RHAG: variants seen among roughly 807,000 people sequenced by gnomAD.
RHAG encodes Rh associated glycoprotein, also known as ammonium transporter Rh type A.
In RHAG, 25 loss-of-function variants were observed where a neutral mutation model predicts 42.4. That is an observed-to-expected ratio of 0.59 (90% CI 0.43 to 0.82). The LOEUF (loss-of-function observed/expected upper bound fraction) is 0.82. Ranked by LOEUF, RHAG falls within the 40% of genes least tolerant of loss-of-function variation. RHAG has a pLI of 0.00. For missense variants in RHAG, 483 were observed against 504.6 expected, an observed-to-expected ratio of 0.96 and a Z score of 0.41; for synonymous variants, 182 against 177.7, an observed-to-expected ratio of 1.02 and a Z score of -0.19.
At chr6:49,618,848 G>A (rs1485554730) in intron 2 of RHAG, among the ~76,000 whole-genome samples, 1 of 152,132 alleles carries the variant, frequency 6.6e-6, no homozygotes, top group African/African-American at 2.4e-5. Context: ...CATAAACTGG[G>A]TTGTTTATAA....
chr6:49,622,914 C>T (rs1762787791), intron 1 of RHAG, among the ~76,000 whole-genome samples: 4 of 150,356 alleles, frequency 2.7e-5, no homozygotes, highest in African/African-American at 2.5e-5. Flanking sequence ...CGGCTCACTG[C>T]AAGCTCCGCC....
At chr6:49,626,253 T>A (rs551003664) in intron 1 of RHAG, among the ~76,000 whole-genome samples, 6 of 152,130 alleles carry the variant, frequency 3.9e-5, no homozygotes, top group Non-Finnish European at 7.4e-5. Context: ...CACCTGTGAG[T>A]CTGTAAAATG....
At chr6:49,615,829 A>C in intron 3 of RHAG, 58 bp from the exon 4 acceptor site, 1 of 1,539,848 alleles carries the variant, frequency 6.5e-7, no homozygotes, top group Admixed American at 1.7e-5. Context: ...CATTTATGGG[A>C]GGAAAGTCAA....
intron 2 of RHAG, 125 bp downstream of exon 2, chr6:49,619,054 T>G: frequency 9.8e-7 from 1 of 1,022,612 alleles, no homozygotes; most frequent in East Asian, 2.6e-5. Context: ...TCATAAACAC[T>G]CTGCCTTCAT....
chr6:49,605,433 G>T lies in RHAG; in HGVS notation c.*380C>A. The T allele has an allele frequency of 7.6e-6, 2 of 263,248 alleles. No individual in the cohort carries two copies. Among genetic ancestry groups the T allele is most frequent in the Non-Finnish European group, 1.5e-5 (2 of 135,026 alleles). The allele number at this position is 263,248 out of a possible 1,614,324, so 16.3% of individuals were successfully genotyped here. ...TCTCACATCTATTCTTGCTTCATGG[G>T]TTTCAGTTTTATAATTTTTGGGATT... On this transcript the variant is annotated 3_prime_UTR_variant, in exon 10 of 10. Transcript: ENST00000371175.
At chr6:49,616,746 G>A (rs718233) in intron 3 of RHAG, among the ~76,000 whole-genome samples, 1 of 151,978 alleles carries the variant, frequency 6.6e-6, no homozygotes, top group African/African-American at 2.4e-5. Flanking sequence ...GACATAGACA[G>A]ACCCAGTCCC....
rs562645645 is a variant in RHAG, at chr6:49,610,891, C to T, written c.1067+133G>A. 159 of 971,198 alleles carry T rather than the reference C, an allele frequency of 1.6e-4. No individual in the cohort carries two copies. In the East Asian group the frequency reaches 2.2e-3, roughly 13 times the overall value. The allele number at this position is 971,198 out of a possible 1,614,324, so 60.2% of individuals were successfully genotyped here. On this transcript the variant is annotated intron_variant, in intron 7 of 9. Coordinates refer to ENST00000371175, the MANE Select transcript of RHAG (RefSeq NM_000324.3). ...TTTATTCTAATGATCTTCTCTCAGG[C>T]GCGTCTCTTTGGCTCCAGTAAAGAC...
At chr6:49,614,615 T>C in intron 5 of RHAG, 72 bp downstream of exon 5, 2 of 1,283,836 alleles carry the variant, frequency 1.6e-6, no homozygotes, top group South Asian at 2.4e-5. Flanking sequence ...ATGCAGAAAT[T>C]ACCTACTACT....
intron 1 of RHAG, among the ~76,000 whole-genome samples, chr6:49,626,121 A>G (rs1762840217): frequency 6.6e-6 from 1 of 152,084 alleles, no homozygotes; most frequent in Non-Finnish European, 1.5e-5. Context: ...AGCCCCTCCA[A>G]AATCTCATGT....
intron 3 of RHAG, among the ~76,000 whole-genome samples, chr6:49,616,245 G>A (rs1762652713): frequency 1.3e-5 from 2 of 151,784 alleles, no homozygotes; most frequent in Non-Finnish European, 2.9e-5. Flanking sequence ...AGCTACTGGG[G>A]AGGCTGAGGC....
At chr6:49,613,539 T>C (rs16879512) in intron 5 of RHAG, among the ~76,000 whole-genome samples, 6,379 of 152,244 alleles carry the variant, frequency 0.042, 176 homozygotes, top group South Asian at 0.11. Context: ...AGAAATAAGA[T>C]ATATGTCCTC....
At chr6:49,620,715 G>A (rs1762742500) in intron 1 of RHAG, among the ~76,000 whole-genome samples, 1 of 152,130 alleles carries the variant, frequency 6.6e-6, no homozygotes, top group Non-Finnish European at 1.5e-5. Flanking sequence ...TATTTTTGTA[G>A]AGATGAGATT....
At chr6:49,634,578 T>C (rs1245455969) in intron 1 of RHAG, among the ~76,000 whole-genome samples, 6 of 152,058 alleles carry the variant, frequency 3.9e-5, no homozygotes, top group Non-Finnish European at 8.8e-5. Context: ...TATCCATCAG[T>C]GGATGAATAG....
intron 1 of RHAG, among the ~76,000 whole-genome samples, chr6:49,626,707 G>A (rs1762850258): frequency 6.6e-6 from 1 of 152,186 alleles, no homozygotes; most frequent in Non-Finnish European, 1.5e-5. Flanking sequence ...TTTCCCTTCT[G>A]CACTGCCCTA....
chr6:49,608,469 CCG>C (rs1762513115), intron 7 of RHAG, among the ~76,000 whole-genome samples: 1 of 143,268 alleles, frequency 7.0e-6, no homozygotes. Flanking sequence ...TGTCTCCTCC[CCG>C]CGTTCAAGCA....
chr6:49,619,429 T>C (rs901318575), intron 1 of RHAG, 67 bp from the exon 2 acceptor site: 47 of 1,379,726 alleles, frequency 3.4e-5, no homozygotes, highest in East Asian at 1.4e-4. Context: ...CATCATAGTA[T>C]ACCCCACTTA....
rs562239107 is a variant in RHAG at position 49,605,445 on chromosome 6, T to C, written c.*368A>G. On this transcript the variant is annotated 3_prime_UTR_variant, in exon 10 of 10. Coordinates refer to ENST00000371175, the MANE Select transcript of RHAG (RefSeq NM_000324.3). The stretch of plus-strand genomic sequence containing the variant: ...TCTTGCTTCATGGGTTTCAGTTTTA[T>C]AATTTTTGGGATTGAAGACATAGTG... 1 of 276,682 alleles carries C rather than the reference T, an allele frequency of 3.6e-6. No homozygotes were observed. Among genetic ancestry groups the C allele is most frequent in the East Asian group, 7.6e-5 (1 of 13,224 alleles). The allele number at this position is 276,682 out of a possible 1,614,324, so 17.1% of individuals were successfully genotyped here. A position where few individuals can be genotyped will look rare whatever the true frequency, so the allele number is the denominator to read the frequency against.
chr6:49,635,868 T>A (rs1476648845), intron 1 of RHAG, among the ~76,000 whole-genome samples: 1 of 152,144 alleles, frequency 6.6e-6, no homozygotes, highest in Non-Finnish European at 1.5e-5. Flanking sequence ...TTAGATTATT[T>A]GAACCTTACT....
chr6:49,609,548 T>G (rs1476071879), intron 7 of RHAG, among the ~76,000 whole-genome samples: 3 of 152,236 alleles, frequency 2.0e-5, no homozygotes, highest in Admixed American at 6.5e-5. Flanking sequence ...TTTTAGTGTT[T>G]GATCTCTACA....
Sources: allele counts gnomAD v4.1 joint callset (sites outside exome capture counted in the v4.1 genomes callset), GRCh38; gene constraint gnomAD v4.1.1; transcripts MANE v1.5; gene names NCBI Gene and HGNC (gene_info 2026-07-23, HGNC 2026-07-21).